The following JAK1 variants were observed in gnomAD, a reference collection of about 807,000 sequenced individuals.
The protein encoded by JAK1 is Janus kinase 1.
A neutral mutation model predicts 136.6 loss-of-function variants in JAK1; 16 were observed. The ratio of observed to expected loss-of-function variants is 0.12; its 90% CI spans 0.08 to 0.18. The LOEUF (loss-of-function observed/expected upper bound fraction) is 0.18, where lower values mean the gene tolerates loss of function less well. Ranked by LOEUF, JAK1 falls within the 10% of genes least tolerant of loss-of-function variation. JAK1 has a pLI of 1.00. For synonymous variants in JAK1, 492 were observed against 519.5 expected (o/e 0.95, Z 0.72); for missense variants, 859 against 1,450.1 (o/e 0.59, Z 6.62).
intron 2 of JAK1, among the ~76,000 whole-genome samples, chr1:64,884,560 T>C (rs1349801142): frequency 6.6e-6 from 1 of 152,112 alleles, no homozygotes; most frequent in East Asian, 1.9e-4. Flanking sequence ...CTTCTATCAC[T>C]CTGAGCTTCT....
Position 64,834,289 on chromosome 1 carries a change from C to T in JAK1, c.*273G>A, listed in dbSNP as rs761582591. On this transcript the variant is annotated 3_prime_UTR_variant, in exon 25 of 25. Transcript: ENST00000342505. ...TAGCCAGATGAAATGGTGGTATATT[C>T]TTTCCACAAGGAGGAGTGCTTAAGT... 7.0e-6 allele frequency: 2 copies of T among 285,268 alleles called. No individual in the cohort carries two copies. The highest frequency in any genetic ancestry group is 1.3e-5 in the Non-Finnish European group (2 of 150,474). 17.7% of individuals were successfully genotyped at this position (285,268 alleles called of 1,614,324 possible). A position where few individuals can be genotyped will look rare whatever the true frequency, so the allele number is the denominator to read the frequency against.
At position 64,839,595 on chromosome 1, in the gene JAK1, T is replaced by C. The variant is rs749550323; in HGVS notation, c.2842+8A>G. 1.7e-4 allele frequency: 269 copies of C among 1,611,928 alleles called. No homozygotes were observed. The highest frequency in any genetic ancestry group is 2.2e-4 in the Non-Finnish European group (258 of 1,178,752). On this transcript the variant is annotated splice_region_variant and intron_variant, in intron 20 of 24. Transcript: ENST00000342505. ...CTTTAAACCGGACCCCAGCCTTGCA[T>C]AACATACCGTCTTCTGTGCAGATTC...
At chr1:65,030,338 GAGACAA>G (rs1335675586) in intron 2 of JAK1, among the ~76,000 whole-genome samples, 1 of 152,146 alleles carries the variant, frequency 6.6e-6, no homozygotes, top group African/African-American at 2.4e-5. Context: ...CAAATAAACT[GAGACAA>G]AGTCTCAGAA....
chr1:64,948,531 A>T (rs1646026702), intron 1 of JAK1, among the ~76,000 whole-genome samples: 2 of 152,260 alleles, frequency 1.3e-5, no homozygotes, highest in Non-Finnish European at 2.9e-5. Context: ...GATTTCGCAG[A>T]TCTCACCAAT....
intron 1 of JAK1, among the ~76,000 whole-genome samples, chr1:64,902,583 A>AGAGAGAGAGAGAGAGAGAGAGTGTGTGT: frequency 1.2e-4 from 9 of 73,790 alleles, no homozygotes; most frequent in African/African-American, 5.6e-4. Context: ...AGAGAGAGAG[A>AGAGAGAGAGAGAGAGAGAGAGTGTGTGT]GTGTGTGTGT....
At chr1:65,045,517 A>T (rs1403912288) in intron 1 of JAK1, among the ~76,000 whole-genome samples, 1 of 143,366 alleles carries the variant, frequency 7.0e-6, no homozygotes, top group Non-Finnish European at 1.5e-5. Context: ...GGAAGCATGA[A>T]ATCATGGTGG....
intron 1 of JAK1, among the ~76,000 whole-genome samples, chr1:64,889,032 GTTTT>G (rs890522561): frequency 6.6e-6 from 1 of 152,156 alleles, no homozygotes; most frequent in Non-Finnish European, 1.5e-5. Flanking sequence ...ATGACAAGCG[GTTTT>G]TTTGTGTGTG....
chr1:65,043,947 C>A (rs527304634), intron 2 of JAK1, among the ~76,000 whole-genome samples: 25 of 152,174 alleles, frequency 1.6e-4, no homozygotes, highest in African/African-American at 6.0e-4. Context: ...GTCTCGAACT[C>A]CTGACCTCAA....
chr1:65,006,897 T>C (rs1646808467), intron 2 of JAK1, among the ~76,000 whole-genome samples: 1 of 152,206 alleles, frequency 6.6e-6, no homozygotes, highest in African/African-American at 2.4e-5. Flanking sequence ...AAAAGTTCCA[T>C]CTAAGATGAT....
chr1:65,007,544 T>A (rs1410086735), intron 2 of JAK1, among the ~76,000 whole-genome samples: 1 of 152,158 alleles, frequency 6.6e-6, no homozygotes, highest in Non-Finnish European at 1.5e-5. Context: ...CACCGCAACC[T>A]CCACCTCCCA....
intron 3 of JAK1, among the ~76,000 whole-genome samples, chr1:64,881,881 T>C (rs763867913): frequency 6.6e-6 from 1 of 152,102 alleles, no homozygotes; most frequent in Non-Finnish European, 1.5e-5. Flanking sequence ...GGCAAGAAGC[T>C]TGGCGAAGAG....
At chr1:64,962,965 G>A (rs944521825) in intron 1 of JAK1, among the ~76,000 whole-genome samples, 3 of 152,124 alleles carry the variant, frequency 2.0e-5, no homozygotes, top group East Asian at 1.9e-4. Flanking sequence ...CCAGCTACTC[G>A]GGAGGCTGAG....
chr1:64,976,460 T>C (rs1327238009), intron 2 of JAK1, among the ~76,000 whole-genome samples: 1 of 152,224 alleles, frequency 6.6e-6, no homozygotes, highest in African/African-American at 2.4e-5. Context: ...TTGGTTATTA[T>C]GGTAATTGTG....
intron 1 of JAK1, among the ~76,000 whole-genome samples, chr1:65,044,914 T>C (rs1178112598): frequency 2.6e-5 from 4 of 151,808 alleles, no homozygotes; most frequent in African/African-American, 9.7e-5. Flanking sequence ...CAGCCTACAT[T>C]ACCAGGTTGT....
At chr1:65,056,021 A>G (rs1247063128) in intron 1 of JAK1, among the ~76,000 whole-genome samples, 1 of 152,238 alleles carries the variant, frequency 6.6e-6, no homozygotes, top group Non-Finnish European at 1.5e-5. Flanking sequence ...TGCACAACAC[A>G]TAACTTCTTG....
chr1:64,961,706 C>T (rs1197056455), intron 1 of JAK1, among the ~76,000 whole-genome samples: 1 of 151,904 alleles, frequency 6.6e-6, no homozygotes, highest in Non-Finnish European at 1.5e-5. Flanking sequence ...TCCTTCCCAC[C>T]CTAAAACAAA....
At chr1:65,027,070 G>A (rs1327080188) in intron 2 of JAK1, among the ~76,000 whole-genome samples, 4 of 151,544 alleles carry the variant, frequency 2.6e-5, no homozygotes, top group African/African-American at 9.7e-5. Flanking sequence ...TTTTTTAGAT[G>A]GAGTATCACT....
intron 2 of JAK1, among the ~76,000 whole-genome samples, chr1:65,022,282 A>G (rs1207975052): frequency 1.3e-5 from 2 of 152,196 alleles, no homozygotes; most frequent in Non-Finnish European, 2.9e-5. Flanking sequence ...CTTTCTCTCA[A>G]AGGAGCCCAC....
At chr1:64,894,960 T>C (rs948968901) in intron 1 of JAK1, among the ~76,000 whole-genome samples, 6 of 152,128 alleles carry the variant, frequency 3.9e-5, no homozygotes, top group African/African-American at 1.4e-4. Flanking sequence ...CCTATCCATA[T>C]AATGAGTAAT....
Sources: allele counts gnomAD v4.1 joint callset (sites outside exome capture counted in the v4.1 genomes callset), GRCh38; gene constraint gnomAD v4.1.1; transcripts MANE v1.5; gene names NCBI Gene and HGNC (gene_info 2026-07-23, HGNC 2026-07-21).